KAZN: variants seen among roughly 807,000 people sequenced by gnomAD.
The protein encoded by KAZN is kazrin, periplakin interacting protein.
In KAZN, 40 loss-of-function variants were observed where a neutral mutation model predicts 87.4. The ratio of observed to expected loss-of-function variants is 0.46; its 90% CI spans 0.36 to 0.60. The LOEUF is 0.60. Ranked by LOEUF, KAZN falls within the 20% of genes least tolerant of loss-of-function variation. The probability of loss-of-function intolerance (pLI) is 0.00; values close to 1 mark genes in which losing one functional copy is unlikely to be tolerated. For missense variants in KAZN, 898 were observed against 1,073.9 expected, an observed-to-expected ratio of 0.84 and a Z score of 2.29; for synonymous variants, 466 against 458.3, an observed-to-expected ratio of 1.02 and a Z score of -0.22.
At chr1:14,504,354 G>C (rs1457197692) in intron 2 of KAZN, among the ~76,000 whole-genome samples, 2 of 152,150 alleles carry the variant, frequency 1.3e-5, no homozygotes, top group African/African-American at 2.4e-5. Flanking sequence ...AAATGCTACA[G>C]GATGTTAGAA....
At chr1:14,943,045 T>C (rs1403514656) in intron 1 of KAZN, among the ~76,000 whole-genome samples, 1 of 114,070 alleles carries the variant, frequency 8.8e-6, no homozygotes, top group Non-Finnish European at 1.7e-5. Flanking sequence ...TGTGTGTGTG[T>C]GTGTGTTGGG....
intron 2 of KAZN, among the ~76,000 whole-genome samples, chr1:14,961,179 C>T (rs1263282915): frequency 1.3e-5 from 2 of 152,180 alleles, no homozygotes; most frequent in Admixed American, 6.5e-5. Flanking sequence ...ACCCAGCAGC[C>T]GAGTCTCTCT....
chr1:14,775,809 G>C (rs1047170363), intron 1 of KAZN, among the ~76,000 whole-genome samples: 1 of 152,200 alleles, frequency 6.6e-6, no homozygotes, highest in African/African-American at 2.4e-5. Flanking sequence ...AAAAGCTCAA[G>C]TGTCCTGAGA....
chr1:14,497,334 CTAAAAAAA>C (rs1328809663), intron 2 of KAZN, among the ~76,000 whole-genome samples: 1,095 of 20,436 alleles, frequency 0.054, 32 homozygotes, highest in Admixed American at 0.26. Flanking sequence ...AATTCTGTTA[CTAAAAAAA>C]AAAAAAAAAA....
At chr1:13,899,682 C>A (rs747672973) in intron 1 of KAZN, among the ~76,000 whole-genome samples, 23 of 144,882 alleles carry the variant, frequency 1.6e-4, no homozygotes, top group African/African-American at 5.4e-4. Flanking sequence ...CTCGCACTGT[C>A]GCCCAGGCTG....
At chr1:14,711,678 G>C (rs895720099) in intron 1 of KAZN, among the ~76,000 whole-genome samples, 5 of 152,208 alleles carry the variant, frequency 3.3e-5, no homozygotes, top group African/African-American at 1.2e-4. Flanking sequence ...GGCCCACACA[G>C]TAAGGAACTG....
At chr1:14,108,544 TG>T (rs1277954954) in intron 1 of KAZN, among the ~76,000 whole-genome samples, 1 of 152,156 alleles carries the variant, frequency 6.6e-6, no homozygotes, top group African/African-American at 2.4e-5. Flanking sequence ...AGGCAGGTGG[TG>T]GGCCAGACTT....
At chr1:14,435,851 G>T (rs765558714) in intron 2 of KAZN, among the ~76,000 whole-genome samples, 1 of 151,888 alleles carries the variant, frequency 6.6e-6, no homozygotes, top group Non-Finnish European at 1.5e-5. Flanking sequence ...GATGGTGACA[G>T]GGCCTAACGA....
At chr1:13,900,556 C>G (rs1639212423) in intron 1 of KAZN, among the ~76,000 whole-genome samples, 1 of 152,172 alleles carries the variant, frequency 6.6e-6, no homozygotes, top group Non-Finnish European at 1.5e-5. Context: ...GCAGCGTACA[C>G]AGTGGTCTCA....
chr1:14,793,159 G>A (rs1645730179), intron 1 of KAZN, among the ~76,000 whole-genome samples: 1 of 152,094 alleles, frequency 6.6e-6, no homozygotes, highest in South Asian at 2.1e-4. Context: ...AGGCAAGGAT[G>A]GAGGCAGAGA....
intron 1 of KAZN, among the ~76,000 whole-genome samples, chr1:14,642,620 C>A (rs762384184): frequency 1.4e-4 from 21 of 152,136 alleles, no homozygotes; most frequent in Non-Finnish European, 2.8e-4. Flanking sequence ...TTCTAGTGTT[C>A]TATGCCACTG....
chr1:13,997,301 A>C (rs2359904), intron 1 of KAZN, among the ~76,000 whole-genome samples: 22,202 of 151,978 alleles, frequency 0.15, 1,722 homozygotes, highest in Middle Eastern at 0.22. Context: ...ACCCAAAAGG[A>C]CAGAGTGCCT....
intron 1 of KAZN, among the ~76,000 whole-genome samples, chr1:14,738,157 G>C (rs1015174433): frequency 3.5e-4 from 54 of 152,260 alleles, no homozygotes; most frequent in African/African-American, 1.3e-3. Context: ...CCAGCTCCAT[G>C]TGATAAATGA....
chr1:14,286,855 C>T (rs1460125445), intron 2 of KAZN, among the ~76,000 whole-genome samples: 1 of 151,982 alleles, frequency 6.6e-6, no homozygotes, highest in African/African-American at 2.4e-5. Flanking sequence ...AATTTGTAGG[C>T]CTGTGGCTAT....
chr1:14,280,398 A>AG (rs1259369566), intron 2 of KAZN, among the ~76,000 whole-genome samples: 5 of 138,068 alleles, frequency 3.6e-5, no homozygotes, highest in African/African-American at 1.4e-4. Context: ...AAAAAAAAAA[A>AG]GACGAGGTTG....
intron 1 of KAZN, among the ~76,000 whole-genome samples, chr1:14,888,030 A>G (rs1654282373): frequency 6.6e-6 from 1 of 152,124 alleles, no homozygotes; most frequent in African/African-American, 2.4e-5. Flanking sequence ...TCTCTCGGTG[A>G]TAATGGAGAA....
chr1:13,928,978 C>A (rs1640394310), intron 1 of KAZN, among the ~76,000 whole-genome samples: 1 of 147,758 alleles, frequency 6.8e-6, no homozygotes, highest in African/African-American at 2.5e-5. Flanking sequence ...TAGCTTTCTG[C>A]TTTGTAAAAT....
chr1:13,930,721 A>C (rs1377613211), intron 1 of KAZN, among the ~76,000 whole-genome samples: 1 of 152,242 alleles, frequency 6.6e-6, no homozygotes, highest in Non-Finnish European at 1.5e-5. Context: ...AGGTTTTACC[A>C]AGGTAGGAAC....
At chr1:14,941,434 G>A (rs1411341616) in intron 1 of KAZN, among the ~76,000 whole-genome samples, 1 of 152,110 alleles carries the variant, frequency 6.6e-6, no homozygotes, top group Non-Finnish European at 1.5e-5. Context: ...GGGCAAAGAT[G>A]GAACAATACA....
Sources: allele counts gnomAD v4.1 joint callset (sites outside exome capture counted in the v4.1 genomes callset), GRCh38; gene constraint gnomAD v4.1.1; transcripts MANE v1.5; gene names NCBI Gene and HGNC (gene_info 2026-07-23, HGNC 2026-07-21).